Variants in LITAFD observed in about 807,000 individuals in gnomAD.
LITAFD encodes the protein lITAF domain-containing protein.
At chr16:8,883,577 A>G (rs969755390) in intron 2 of LITAFD, among the ~76,000 whole-genome samples, 4 of 151,408 alleles carry the variant, frequency 2.6e-5, no homozygotes, top group South Asian at 2.1e-4. Context: ...TATGGAGTAG[A>G]CTCCCGTTCT....
In LITAFD at chr16:8,884,167, G is replaced by T. The variant is rs564108092; in HGVS notation, c.-33-156G>T. 2.6e-5 allele frequency among the ~76,000 whole-genome samples: 4 copies of T among 152,252 alleles called. No individual in the cohort carries two copies. In the East Asian group the frequency reaches 7.7e-4, roughly 29 times the overall value. The stretch of plus-strand genomic sequence containing the variant: ...CTTAGTTTCCTCCAAACCGGGGTGG[G>T]GGAGCCACACCACACCCCCACATAT... On this transcript the variant is annotated intron_variant, in intron 2 of 3. Transcript: ENST00000636296.
exon 1 of LITAFD, chr16:8,882,387 G>C (rs920756836): frequency 6.5e-6 from 1 of 152,734 alleles, no homozygotes; most frequent in East Asian, 1.9e-4. Flanking sequence ...CCTGGCAACC[G>C]GGCCTCCTCA....
chr16:8,883,240 A>G lies in LITAFD; in HGVS notation c.-80A>G, dbSNP rs1250732460. ...TATCCTGCTGGTCCCCCTCCTCCCT[A>G]TGGTCCTCCTCACCAGATGTACTTT... On this transcript the variant is annotated 5_prime_UTR_variant, in exon 2 of 4. An upstream start codon of the reference 5' UTR is lost. Transcript: ENST00000636296. The G allele has an allele frequency of 2.0e-5, 3 of 151,962 alleles. No individual in the cohort carries two copies. The highest frequency in any genetic ancestry group is 2.4e-5 in the African/African-American group (1 of 41,318). 9.4% of individuals were successfully genotyped at this position (151,962 alleles called of 1,614,324 possible). A position where few individuals can be genotyped will look rare whatever the true frequency, so the allele number is the denominator to read the frequency against.
intron 1 of LITAFD, chr16:8,882,760 C>A: frequency 6.6e-6 from 1 of 152,418 alleles, no homozygotes; most frequent in Non-Finnish European, 1.5e-5. Context: ...AAGGAAGTCG[C>A]CAAATGAGAC....
chr16:8,884,165 G>C (rs1229608144), intron 2 of LITAFD, among the ~76,000 whole-genome samples, 158 bp from the exon 3 acceptor site: 2 of 152,120 alleles, frequency 1.3e-5, no homozygotes, highest in African/African-American at 4.8e-5. Flanking sequence ...AAACCGGGGT[G>C]GGGGAGCCAC....
At position 8,885,074 on chromosome 16, in the gene LITAFD, A is replaced by T. The variant is rs149254640; in HGVS notation, c.111-113A>T. 522 of 399,208 alleles carry T rather than the reference A, an allele frequency of 1.3e-3. 2 individuals are homozygous for T. The highest frequency in any genetic ancestry group is 9.7e-3 in the African/African-American group (471 of 48,716). 24.7% of individuals were successfully genotyped at this position (399,208 alleles called of 1,614,324 possible). On this transcript the variant is annotated intron_variant, in intron 3 of 3. Transcript: ENST00000636296. ...GGATACAGAGTGAGACTCTGTCTCA[A>T]ACATACACACACACGCCCAGGCCCC...
At chr16:8,882,836 G>A (rs2061547639) in intron 1 of LITAFD, 1 of 152,286 alleles carries the variant, frequency 6.6e-6, no homozygotes, top group Admixed American at 6.5e-5. Context: ...GGCTGAGCGT[G>A]GAGGCAGCAG....
chr16:8,883,352 T>A (rs1351641269), intron 2 of LITAFD, 66 bp downstream of exon 2: 1 of 152,388 alleles, frequency 6.6e-6, no homozygotes. Context: ...CTGCCCAGAA[T>A]ATTCTCTTTC....
chr16:8,884,060 G>A (rs868361477), intron 2 of LITAFD, among the ~76,000 whole-genome samples: 1 of 152,064 alleles, frequency 6.6e-6, no homozygotes, highest in Non-Finnish European at 1.5e-5. Flanking sequence ...GTGAGACTCC[G>A]TCTCCAAAAT....
rs185431625 is a variant in LITAFD, at chr16:8,884,023, C to T, written c.-33-300C>T. Among the ~76,000 whole-genome samples the T allele has an allele frequency of 4.3e-4, 65 of 152,314 alleles. No homozygotes were observed. The Middle Eastern group carries it at 0.01, about 24-fold the overall frequency. On this transcript the variant is annotated intron_variant, in intron 2 of 3. Coordinates refer to ENST00000636296, the Ensembl canonical transcript of LITAFD. Reference sequence around the variant, plus strand: ...GAGGTTGCAGTGAGCTGAGATCGCACCACTGCACTCCAGCCTGGACGACAG... The same window carrying T: ...GAGGTTGCAGTGAGCTGAGATCGCATCACTGCACTCCAGCCTGGACGACAG...
In LITAFD at chr16:8,884,431, A is replaced by T. The variant is rs1596338876; in HGVS notation, c.76A>T (p.Thr26Ser). Residue 26 changes from threonine to serine, a missense_variant, in exon 3 of 4, where the codon ACC (threonine) becomes TCC (serine). Physicochemically the swap from Thr to Ser is moderately conservative, Grantham distance 58. Coordinates refer to ENST00000636296, the Ensembl canonical transcript of LITAFD. ...GACGACCTTTGTCCCGGGTGCCCTC[A>T]CCTGGCTGCTGTGTACCACCCTCTT... 12 of 323,358 alleles carry T rather than the reference A, an allele frequency of 3.7e-5. No individual in the cohort carries two copies. The East Asian group carries it at 5.7e-4, about 15-fold the overall frequency. The allele number at this position is 323,358 out of a possible 1,614,324, so 20.0% of individuals were successfully genotyped here.
intron 1 of LITAFD, 53 bp from the exon 2 acceptor site, chr16:8,883,157 G>C (rs908423019): frequency 7.2e-5 from 11 of 152,194 alleles, no homozygotes; most frequent in African/African-American, 2.7e-4. Flanking sequence ...CTAAGTCCCT[G>C]GCATACAGTG....
intron 2 of LITAFD, among the ~76,000 whole-genome samples, chr16:8,883,497 G>T (rs558963952): frequency 6.6e-6 from 1 of 152,036 alleles, no homozygotes; most frequent in African/African-American, 2.4e-5. Context: ...AGTGGCCACC[G>T]AAGCATCTCT....
At chr16:8,884,565 C>G (rs1003615444) in intron 3 of LITAFD, 100 bp downstream of exon 3, 3 of 397,700 alleles carry the variant, frequency 7.5e-6, no homozygotes, top group Non-Finnish European at 1.3e-5. Flanking sequence ...GGGAAAATAG[C>G]AGGACCAAGC....
intron 2 of LITAFD, 41 bp downstream of exon 2, chr16:8,883,327 G>C (rs1324193469): frequency 6.6e-6 from 1 of 152,420 alleles, no homozygotes; most frequent in African/African-American, 2.4e-5. Context: ...GTCGCTTTCT[G>C]TCCCCTGCTC....
chr16:8,884,791 AAC>A (rs1042345820), intron 3 of LITAFD, among the ~76,000 whole-genome samples: 1 of 152,092 alleles, frequency 6.6e-6, no homozygotes, highest in African/African-American at 2.4e-5. Context: ...GGAGTTTTGA[AAC>A]ACACAGAGGG....
In LITAFD at chr16:8,882,516, G is replaced by A. The variant is rs112580332; in HGVS notation, c.-111+6G>A. 256 of 152,624 alleles carry A rather than the reference G, an allele frequency of 1.7e-3. No homozygotes were observed. Among genetic ancestry groups the A allele is most frequent in the African/African-American group, 5.7e-3 (239 of 41,596 alleles). The allele number at this position is 152,624 out of a possible 1,614,324, so 9.5% of individuals were successfully genotyped here. On this transcript the variant is annotated splice_donor_region_variant and intron_variant, in intron 1 of 3. Coordinates refer to ENST00000636296, the Ensembl canonical transcript of LITAFD. ...CAGGATGGAATCATCCCCGGGTGAG[G>A]GCTCCCCTCATTCAGGGGCCAGGGC...
At chr16:8,883,540 G>T (rs2061551380) in intron 2 of LITAFD, among the ~76,000 whole-genome samples, 1 of 151,924 alleles carries the variant, frequency 6.6e-6, no homozygotes, top group Non-Finnish European at 1.5e-5. Flanking sequence ...GATGGGGCCT[G>T]TATACAGTAG....
intron 1 of LITAFD, among the ~76,000 whole-genome samples, 199 bp from the exon 2 acceptor site, chr16:8,883,011 T>C (rs540707687): frequency 1.2e-4 from 19 of 152,232 alleles, no homozygotes; most frequent in Non-Finnish European, 8.8e-5. Flanking sequence ...AATTTTTGTA[T>C]TTGTAGTTGA....
Sources: gnomAD v4.1 joint callset for allele counts (sites outside exome capture counted in the v4.1 genomes callset) on GRCh38, gnomAD v4.1.1 for gene constraint, MANE v1.5 for transcripts, NCBI Gene and HGNC (gene_info 2026-07-23, HGNC 2026-07-21) for gene names.